Variants in THAP6 observed in about 807,000 individuals in gnomAD.
THAP6 encodes the protein THAP domain-containing protein 6.
In THAP6, 13 loss-of-function variants were observed where a neutral mutation model predicts 20.0. The observed-to-expected ratio is 0.65, with a 90% CI of 0.42 to 1.03. THAP6 has a LOEUF of 1.03. Among genes scored for constraint, THAP6 ranks in the 50% least tolerant of loss-of-function variants. The pLI, the probability that THAP6 is intolerant of heterozygous loss-of-function variation, is 0.00. For missense variants in THAP6, 262 were observed against 261.6 expected (o/e 1.00, Z -0.01); for synonymous variants, 93 against 92.2 (o/e 1.01, Z -0.05).
intron 2 of THAP6, 33 bp from the exon 3 acceptor site, chr4:75,516,739 G>A (rs1480602649): frequency 6.3e-7 from 1 of 1,580,212 alleles, no homozygotes. Context: ...AATAGTATTT[G>A]ATTTTAAAAT....
chr4:75,535,759 C>T (rs911483167), intron 2 of THAP6, among the ~76,000 whole-genome samples: 2 of 152,124 alleles, frequency 1.3e-5, no homozygotes, highest in South Asian at 2.1e-4. Context: ...GTACCTTTTG[C>T]ATTAGATTCA....
At chr4:75,542,336 A>C in intron 2 of THAP6, 1 of 666,670 alleles carries the variant, frequency 1.5e-6, no homozygotes, top group Non-Finnish European at 2.7e-6. Flanking sequence ...ATATCTGGGA[A>C]GTATTGCATG....
At chr4:75,516,678 G>T (rs931554016) in intron 2 of THAP6, 94 bp from the exon 3 acceptor site, 32 of 1,000,296 alleles carry the variant, frequency 3.2e-5, no homozygotes, top group South Asian at 1.8e-5. Context: ...ACTAGTTAAC[G>T]AATCAATTTA....
chr4:75,539,858 G>A, intron 2 of THAP6: 1 of 1,535,956 alleles, frequency 6.5e-7, no homozygotes, highest in Non-Finnish European at 8.7e-7. Flanking sequence ...TCCCATCCCA[G>A]AAACACAGGA....
At chr4:75,520,372 G>A (rs1362178439) in intron 3 of THAP6, among the ~76,000 whole-genome samples, 1 of 152,156 alleles carries the variant, frequency 6.6e-6, no homozygotes, top group Non-Finnish European at 1.5e-5. Flanking sequence ...TGATGTGGAT[G>A]TTCAGCTTGG....
At chr4:75,514,372 C>A, upstream of THAP6, 2 of 1,432,442 alleles carry the variant, frequency 1.4e-6, no homozygotes, top group South Asian at 1.3e-5. Context: ...TAGCACACCC[C>A]TCCCAGCCCC....
chr4:75,524,644 T>TA (rs1223806007), intron 4 of THAP6, among the ~76,000 whole-genome samples: 1 of 152,246 alleles, frequency 6.6e-6, no homozygotes, highest in Non-Finnish European at 1.5e-5. Flanking sequence ...GCTGTATTCT[T>TA]ACATGCACCA....
intron 3 of THAP6, among the ~76,000 whole-genome samples, chr4:75,520,116 G>T (rs560995560): frequency 6.6e-6 from 1 of 152,096 alleles, no homozygotes; most frequent in Non-Finnish European, 1.5e-5. Context: ...TTTTGGCTGC[G>T]TAAATATCTT....
chr4:75,514,479 A>C lies in THAP6; in HGVS notation c.-62A>C. The C allele has an allele frequency of 7.1e-6, 4 of 562,042 alleles. No individual in the cohort carries two copies. In the South Asian group the frequency reaches 1.1e-4, roughly 15 times the overall value. 34.8% of individuals were successfully genotyped at this position (562,042 alleles called of 1,614,324 possible). A position where few individuals can be genotyped will look rare whatever the true frequency, so the allele number is the denominator to read the frequency against. ...ACGAGGCGGAAGCGAAGGCAGACGC[A>C]GTCTCCGTCGTTGACGTTAGTCGCA... is the stretch of plus-strand genomic sequence containing the variant. On this transcript the variant is annotated 5_prime_UTR_variant, in exon 1 of 5. Transcript: ENST00000311638.
intron 3 of THAP6, chr4:75,542,584 A>G (rs1160995364): frequency 8.2e-6 from 5 of 607,318 alleles, no homozygotes; most frequent in Non-Finnish European, 1.2e-5. Flanking sequence ...CTCATTTTAC[A>G]GAAGAGGAAA....
intron 3 of THAP6, among the ~76,000 whole-genome samples, chr4:75,543,917 C>G (rs1427970518): frequency 6.6e-6 from 1 of 152,192 alleles, no homozygotes; most frequent in East Asian, 1.9e-4. Context: ...AATATAGGCA[C>G]TATGGGTCGC....
At chr4:75,537,480 CTCTT>C (rs941005995) in intron 2 of THAP6, among the ~76,000 whole-genome samples, 1 of 151,678 alleles carries the variant, frequency 6.6e-6, no homozygotes, top group African/African-American at 2.4e-5. Context: ...CTCATTCTCT[CTCTT>C]TGCCTGCCAC....
At chr4:75,532,778 C>T (rs529206976), downstream of THAP6, among the ~76,000 whole-genome samples, 4 of 151,968 alleles carry the variant, frequency 2.6e-5, no homozygotes, top group East Asian at 1.9e-4. Context: ...TCTGAAGCCA[C>T]GGCCCAAGGT....
At chr4:75,520,184 T>G (rs1725934819) in intron 3 of THAP6, among the ~76,000 whole-genome samples, 1 of 152,218 alleles carries the variant, frequency 6.6e-6, no homozygotes, top group Non-Finnish European at 1.5e-5. Flanking sequence ...TTGTTTGTTT[T>G]TTTCTTGTAA....
intron 2 of THAP6, chr4:75,540,038 A>G (rs564442905): frequency 6.8e-7 from 1 of 1,473,730 alleles, no homozygotes; most frequent in East Asian, 2.5e-5. Flanking sequence ...TATCACTGAA[A>G]GGGAAAATTT....
chr4:75,547,064 G>A (rs1292772979), intron 3 of THAP6, among the ~76,000 whole-genome samples: 1 of 152,162 alleles, frequency 6.6e-6, no homozygotes, highest in Non-Finnish European at 1.5e-5. Flanking sequence ...AGACCCCTGG[G>A]TAAAGCCACC....
chr4:75,519,722 C>T (rs200248267), intron 3 of THAP6, among the ~76,000 whole-genome samples: 1 of 151,680 alleles, frequency 6.6e-6, no homozygotes, highest in Admixed American at 6.6e-5. Context: ...TTAATCCAGT[C>T]TATCATTGTT....
intron 2 of THAP6, among the ~76,000 whole-genome samples, chr4:75,542,226 T>A (rs1727024594): frequency 6.6e-6 from 1 of 152,318 alleles, no homozygotes; most frequent in African/African-American, 2.4e-5. Context: ...AGCAGAACCC[T>A]ACAAATGACT....
chr4:75,519,829 T>C (rs1274948529), intron 3 of THAP6, among the ~76,000 whole-genome samples: 2 of 151,810 alleles, frequency 1.3e-5, no homozygotes, highest in African/African-American at 2.4e-5. Flanking sequence ...TTTATAGTCC[T>C]TTGGGTATAT....
Sources: gnomAD v4.1 joint callset for allele counts (sites outside exome capture counted in the v4.1 genomes callset) on GRCh38, gnomAD v4.1.1 for gene constraint, MANE v1.5 for transcripts, NCBI Gene and HGNC (gene_info 2026-07-23, HGNC 2026-07-21) for gene names.